The following BRSK2 variants were observed in gnomAD, a reference collection of about 807,000 sequenced individuals.
BRSK2 encodes the protein serine/threonine-protein kinase BRSK2.
In BRSK2, 19 loss-of-function variants were observed where a neutral mutation model predicts 83.3. That is an observed-to-expected ratio of 0.23 (90% confidence interval 0.16 to 0.33). The LOEUF is 0.33. BRSK2 is among the 10% of genes least tolerant of loss of function. The probability of loss-of-function intolerance (pLI) is 1.00; values close to 1 mark genes in which losing one functional copy is unlikely to be tolerated. For synonymous variants in BRSK2, 519 were observed against 435.4 expected, an observed-to-expected ratio of 1.19 and a Z score of -2.39; for missense variants, 798 against 1,042.3, an observed-to-expected ratio of 0.77 and a Z score of 3.23.
At chr11:1,450,536 C>G in intron 13 of BRSK2, 51 bp from the exon 14 acceptor site, 1 of 954,022 alleles carries the variant, frequency 1.0e-6, no homozygotes, top group Non-Finnish European at 1.6e-6. Context: ...GCCCCCCCGG[C>G]CCCCACCCGC....
chr11:1,457,809 G>T (rs1039971789), intron 18 of BRSK2, among the ~76,000 whole-genome samples: 1 of 150,348 alleles, frequency 6.7e-6, no homozygotes, highest in Non-Finnish European at 1.5e-5. Flanking sequence ...AGCCCCCCCA[G>T]AGTGTGCTTC....
intron 1 of BRSK2, among the ~76,000 whole-genome samples, chr11:1,428,427 A>C (rs1433459256): frequency 6.6e-6 from 1 of 152,146 alleles, no homozygotes; most frequent in Non-Finnish European, 1.5e-5. Context: ...CACTGTCCTC[A>C]CAGCCCTTCT....
At position 1,446,932 on chromosome 11, in the gene BRSK2, G is replaced by C. The variant is rs539035350; in HGVS notation, c.1226+1025G>C. Among the ~76,000 whole-genome samples the C allele has an allele frequency of 9.5e-4, 145 of 152,268 alleles. 1 individual carries two copies. The highest frequency in any genetic ancestry group is 8.9e-3 in the South Asian group (43 of 4,824). ...GGGACAGGCGTGGCCTGTTCCTCGG[G>C]AACTTGGGGGAAGCTGTGGGGAACT... is the stretch of plus-strand genomic sequence containing the variant. On this transcript the variant is annotated intron_variant, in intron 12 of 19. Transcript: ENST00000528841.
chr11:1,396,536 A>G (rs932466875), intron 1 of BRSK2, among the ~76,000 whole-genome samples: 2 of 152,236 alleles, frequency 1.3e-5, no homozygotes, highest in South Asian at 2.1e-4. Context: ...GTCAGACCCC[A>G]GTCCCTGGGA....
intron 1 of BRSK2, among the ~76,000 whole-genome samples, chr11:1,422,007 G>T (rs1848678233): frequency 6.6e-6 from 1 of 152,168 alleles, no homozygotes; most frequent in South Asian, 2.1e-4. Flanking sequence ...TGGGCCTGCA[G>T]GGGGTCTAGC....
In BRSK2 at chr11:1,460,566, C is replaced by T. The variant is rs555891855; in HGVS notation, c.2054C>T (p.Ala685Val). The change falls in exon 20 of 20, where the codon GCG becomes GTG. Residue 685 changes from alanine to valine, a missense_variant. Ala to Val is a moderately conservative substitution (Grantham distance 64). Coordinates refer to ENST00000528841, the MANE Select transcript of BRSK2 (RefSeq NM_001256627.2). ...QLFSDEKNGQAAQAPSTPAKR... is the reference protein window; with the variant it reads ...QLFSDEKNGQVAQAPSTPAKR... ...TTTTCAGACGAGAAGAACGGGCAGG[C>T]GGCCCAGGCCCCCAGCACGCCCGCC... The T allele has an allele frequency of 2.3e-5, 35 of 1,531,482 alleles. No individual in the cohort carries two copies. The highest frequency in any genetic ancestry group is 2.0e-4 in the Admixed American group (10 of 50,782). The allele number at this position is 1,531,482 out of a possible 1,614,324, so 94.9% of individuals were successfully genotyped here.
chr11:1,448,979 C>T (rs1165473905), intron 12 of BRSK2, among the ~76,000 whole-genome samples: 1 of 152,154 alleles, frequency 6.6e-6, no homozygotes, highest in African/African-American at 2.4e-5. Flanking sequence ...TCTCTGTCCT[C>T]TTCTCTTCGG....
At chr11:1,393,930 G>T (rs1335326236) in intron 1 of BRSK2, among the ~76,000 whole-genome samples, 1 of 79,372 alleles carries the variant, frequency 1.3e-5, no homozygotes, top group East Asian at 2.7e-4. Flanking sequence ...CATGGAGATG[G>T]GTCCTGGAGA....
rs1847458964 is a variant in BRSK2, at chr11:1,461,188, C to T, written c.*465C>T. ...GGGGAGCCTCCTCCAGCCCGGCCGA[C>T]CCGGACTCCCGGTCACCTGACCCCT... is the stretch of plus-strand genomic sequence containing the variant. On this transcript the variant is annotated 3_prime_UTR_variant, in exon 20 of 20. Transcript: ENST00000528841. 8 of 758,600 alleles carry T rather than the reference C, an allele frequency of 1.1e-5. No homozygotes were observed. The East Asian group carries it at 2.3e-4, about 22-fold the overall frequency. The allele number at this position is 758,600 out of a possible 1,614,324, so 47.0% of individuals were successfully genotyped here. A position where few individuals can be genotyped will look rare whatever the true frequency, so the allele number is the denominator to read the frequency against.
At position 1,456,919 on chromosome 11, in the gene BRSK2, C is replaced by T. The variant is rs549366809; in HGVS notation, c.1939+232C>T. The T allele has an allele frequency of 1.8e-5, 29 of 1,588,814 alleles. No homozygotes were observed. The Admixed American group carries it at 1.8e-4, about 10-fold the overall frequency. On this transcript the variant is annotated intron_variant, in intron 18 of 19. Transcript: ENST00000528841. Reference sequence around the variant, plus strand: ...GCACGCCAGGGACATAGGGCGCAGCCGCACCACACTGAAAGGCGCCTCTTG... The same window carrying T: ...GCACGCCAGGGACATAGGGCGCAGCTGCACCACACTGAAAGGCGCCTCTTG...
intron 1 of BRSK2, among the ~76,000 whole-genome samples, chr11:1,400,544 G>A (rs1846407407): frequency 6.6e-6 from 1 of 152,176 alleles, no homozygotes; most frequent in African/African-American, 2.4e-5. Flanking sequence ...ATCCTTCCTG[G>A]GCACCGAACA....
chr11:1,415,409 T>TA (rs966252350), intron 1 of BRSK2, among the ~76,000 whole-genome samples: 1 of 152,116 alleles, frequency 6.6e-6, no homozygotes, highest in Non-Finnish European at 1.5e-5. Flanking sequence ...TTTACCTTTT[T>TA]AAAAAAATTA....
intron 15 of BRSK2, 54 bp downstream of exon 15, chr11:1,451,473 G>A (rs1410779802): frequency 1.5e-5 from 23 of 1,581,832 alleles, no homozygotes; most frequent in Non-Finnish European, 1.8e-5. Flanking sequence ...CTGGCCGGGA[G>A]AGGGGCATGG....
chr11:1,392,021 C>T (rs571723997), intron 1 of BRSK2, among the ~76,000 whole-genome samples: 3 of 152,180 alleles, frequency 2.0e-5, no homozygotes, highest in South Asian at 2.1e-4. Context: ...GAAAACAGCT[C>T]GAGGGGGGGC....
rs373425934 is a variant in BRSK2, at chr11:1,459,209, G to A, written c.1957G>A (p.Glu653Lys). ...QHLSDTTNCMEMMTGRLSKCG... is the reference protein window; with the variant it reads ...QHLSDTTNCMKMMTGRLSKCG... ...TACTCCAGACACCACTAACTGTATG[G>A]AAATGATGACGGGGCGGCTTTCCAA... Residue 653 changes from glutamate (E) to lysine (K), a missense_variant, in exon 19 of 20, where the codon GAA becomes AAA. This residue lies in a region of BRSK2 where 455 missense variants were observed against 455.2 expected (regional missense o/e 1.00). Transcript: ENST00000528841. The A allele has an allele frequency of 6.2e-7, 1 of 1,613,742 alleles. No individual in the cohort carries two copies. Among genetic ancestry groups the A allele is most frequent in the Non-Finnish European group, 8.5e-7 (1 of 1,179,874 alleles).
chr11:1,460,408 T>G, intron 19 of BRSK2, 92 bp from the exon 20 acceptor site: 53 of 928,986 alleles, frequency 5.7e-5, no homozygotes, highest in Non-Finnish European at 6.4e-5. Flanking sequence ...TTTGTTCTCT[T>G]TCTCTCTCCT....
chr11:1,445,843 G>A lies in BRSK2; in HGVS notation c.1162G>A (p.Val388Met), dbSNP rs374367074. 34 of 1,612,232 alleles carry A rather than the reference G, an allele frequency of 2.1e-5. No individual in the cohort carries two copies. In the African/African-American group the frequency reaches 2.3e-4, roughly 11 times the overall value. ...ACGCAAATCCATGGAGGTGCTCAGC[G>A]TGACGGACGGCGGCTCCCCGGTGCC... ...PERKSMEVLS[V>M]TDGGSPVPAR... The change falls in exon 12 of 20, where the codon GTG (valine) becomes ATG (methionine). Residue 388 changes from valine to methionine, a missense_variant. Transcript: ENST00000528841.
chr11:1,398,222 T>C (rs924421696), intron 1 of BRSK2, among the ~76,000 whole-genome samples: 1 of 152,194 alleles, frequency 6.6e-6, no homozygotes, highest in Non-Finnish European at 1.5e-5. Context: ...CCCTCCATGC[T>C]GAGGGAAAGC....
intron 1 of BRSK2, among the ~76,000 whole-genome samples, chr11:1,401,499 A>G (rs938441620): frequency 6.6e-6 from 1 of 152,106 alleles, no homozygotes; most frequent in East Asian, 1.9e-4. Flanking sequence ...CATACCCCGG[A>G]GTATGTTCCT....
Sources: allele counts gnomAD v4.1 joint callset (sites outside exome capture counted in the v4.1 genomes callset), GRCh38; gene constraint gnomAD v4.1.1; regional missense constraint gnomAD v4.1.1; transcripts MANE v1.5; gene names NCBI Gene and HGNC (gene_info 2026-07-23, HGNC 2026-07-21).